MEGF10: variants seen among roughly 807,000 people sequenced by gnomAD.
MEGF10 encodes the protein multiple epidermal growth factor-like domains protein 10.
Under a neutral mutation model 147.5 loss-of-function variants are expected in MEGF10, and 86 were observed. That is an observed-to-expected ratio of 0.58 (90% confidence interval 0.49 to 0.70). The LOEUF is 0.70. Ranked by LOEUF, MEGF10 falls within the 30% of genes least tolerant of loss-of-function variation. The pLI is 0.00. For synonymous variants in MEGF10, 478 were observed against 525.5 expected, an observed-to-expected ratio of 0.91 and a Z score of 1.24; for missense variants, 1,329 against 1,487.3, an observed-to-expected ratio of 0.89 and a Z score of 1.75.
rs1764874863 is a variant in MEGF10 at position 127,418,837 on chromosome 5, ATTG to A, written c.1306-277_1306-275del. 2.0e-5 allele frequency among the ~76,000 whole-genome samples: 3 copies of A among 149,702 alleles called. No homozygotes were observed. In the South Asian group the frequency reaches 6.4e-4, roughly 32 times the overall value. ...GTCTGAGCAATGAAAAAGGGTTTTT[ATTG>A]TTGTTTTGTTTTAGTTCTGCTATGA... On this transcript the variant is annotated intron_variant, in intron 10 of 24. Coordinates refer to ENST00000503335, the MANE Select transcript of MEGF10 (RefSeq NM_001256545.2).
At chr5:127,431,047 C>T (rs957333919) in intron 13 of MEGF10, among the ~76,000 whole-genome samples, 3 of 152,146 alleles carry the variant, frequency 2.0e-5, no homozygotes, top group African/African-American at 2.4e-5. Flanking sequence ...TGCTATGATT[C>T]TCTGGAAATG....
At chr5:127,238,811 C>CCACA in the MEGF10 span, among the ~76,000 whole-genome samples, 1,386 of 152,240 alleles carry the variant, frequency 9.1e-3, 30 homozygotes, top group African/African-American at 0.032. Flanking sequence ...GTGTAAATGT[C>CCACA]TCTTGGTATT....
the MEGF10 span, among the ~76,000 whole-genome samples, chr5:127,243,660 T>C: frequency 1.1e-4 from 17 of 152,278 alleles, no homozygotes; most frequent in Admixed American, 1.3e-4. Context: ...GTAAAAGGGT[T>C]ATAAAAAGGT....
chr5:127,381,661 C>CTTTTTG (rs748295659), intron 5 of MEGF10, among the ~76,000 whole-genome samples: 3 of 152,182 alleles, frequency 2.0e-5, no homozygotes, highest in African/African-American at 4.8e-5. Flanking sequence ...GTTGTTGTTT[C>CTTTTTG]TTTTTGTTTT....
chr5:127,235,003 C>T, the MEGF10 span, among the ~76,000 whole-genome samples: 1 of 152,050 alleles, frequency 6.6e-6, no homozygotes, highest in Non-Finnish European at 1.5e-5. Flanking sequence ...GCCACCATGC[C>T]CAGCTAATTT....
the MEGF10 span, among the ~76,000 whole-genome samples, chr5:127,265,513 T>C: frequency 6.6e-6 from 1 of 152,192 alleles, no homozygotes; most frequent in African/African-American, 2.4e-5. Context: ...CCACAATGGT[T>C]GAACTAGTAT....
the MEGF10 span, among the ~76,000 whole-genome samples, chr5:127,244,525 G>A: frequency 6.6e-6 from 1 of 152,000 alleles, no homozygotes; most frequent in African/African-American, 2.4e-5. Context: ...GCTTACTGAA[G>A]ACTGGGCAGG....
intron 5 of MEGF10, among the ~76,000 whole-genome samples, chr5:127,391,682 G>T (rs999213164): frequency 2.6e-5 from 4 of 151,948 alleles, no homozygotes; most frequent in African/African-American, 9.7e-5. Flanking sequence ...GACTCAGGGT[G>T]CACAGATTTT....
intron 1 of MEGF10, among the ~76,000 whole-genome samples, chr5:127,318,632 C>G (rs932527484): frequency 3.9e-5 from 6 of 151,966 alleles, no homozygotes; most frequent in African/African-American, 1.5e-4. Flanking sequence ...GAGAACTCTC[C>G]AACAATCTTG....
At chr5:127,277,025 T>C in the MEGF10 span, among the ~76,000 whole-genome samples, 1 of 152,086 alleles carries the variant, frequency 6.6e-6, no homozygotes, top group Non-Finnish European at 1.5e-5. Context: ...TCTGGTGTAT[T>C]TGAATAAAAG....
chr5:127,338,624 A>G (rs1026326693), intron 2 of MEGF10, among the ~76,000 whole-genome samples: 1 of 152,150 alleles, frequency 6.6e-6, no homozygotes, highest in Admixed American at 6.6e-5. Flanking sequence ...CTGAAATCAA[A>G]TTATTCCAAG....
chr5:127,361,267 G>A (rs137969090), intron 4 of MEGF10, among the ~76,000 whole-genome samples: 2 of 151,788 alleles, frequency 1.3e-5, no homozygotes, highest in Non-Finnish European at 2.9e-5. Flanking sequence ...ACTTGAATAA[G>A]CTTTAGCAGT....
At chr5:127,378,168 C>G (rs1445366233) in intron 5 of MEGF10, among the ~76,000 whole-genome samples, 1 of 152,180 alleles carries the variant, frequency 6.6e-6, no homozygotes, top group Non-Finnish European at 1.5e-5. Context: ...TAACTGCTCT[C>G]CTTTCTGTGA....
chr5:127,307,894 C>T (rs963615474), intron 1 of MEGF10, among the ~76,000 whole-genome samples: 5 of 152,174 alleles, frequency 3.3e-5, no homozygotes, highest in African/African-American at 1.2e-4. Flanking sequence ...CCCGGTCCTC[C>T]TCCATGGGGT....
chr5:127,382,346 C>T (rs1263468591), intron 5 of MEGF10, among the ~76,000 whole-genome samples: 1 of 152,102 alleles, frequency 6.6e-6, no homozygotes, highest in Admixed American at 6.5e-5. Flanking sequence ...TAAATGGTGT[C>T]ATCTTAAAAT....
chr5:127,302,476 GA>G (rs1759818107), intron 1 of MEGF10, among the ~76,000 whole-genome samples: 1 of 152,148 alleles, frequency 6.6e-6, no homozygotes, highest in Non-Finnish European at 1.5e-5. Context: ...TGGGGGAAGG[GA>G]AAAATTAGGA....
In MEGF10 at chr5:127,299,260, G is replaced by A. The variant is rs531085526; in HGVS notation, c.-19+8204G>A. Among the ~76,000 whole-genome samples the A allele has an allele frequency of 2.9e-4, 44 of 152,296 alleles. No individual in the cohort carries two copies. The South Asian group carries it at 8.9e-3, about 31-fold the overall frequency. On this transcript the variant is annotated intron_variant, in intron 1 of 24. Transcript: ENST00000503335. ...GTCTATGACTTCAGAGAACAATTCTGTGTTCCTGGGAATGGTCACTGTGTA... is the reference window on the plus strand; with the variant it reads ...GTCTATGACTTCAGAGAACAATTCTATGTTCCTGGGAATGGTCACTGTGTA...
At chr5:127,400,915 A>G (rs1012282801) in intron 7 of MEGF10, among the ~76,000 whole-genome samples, 2 of 152,150 alleles carry the variant, frequency 1.3e-5, no homozygotes, top group South Asian at 4.1e-4. Context: ...CTTCTTTACA[A>G]CATGTTATTT....
At chr5:127,410,697 C>A in intron 9 of MEGF10, 96 bp downstream of exon 9, 1 of 1,134,390 alleles carries the variant, frequency 8.8e-7, no homozygotes, top group Non-Finnish European at 1.3e-6. Flanking sequence ...TGATTCTCAC[C>A]CCAAGCCCCC....
Sources: allele counts gnomAD v4.1 joint callset (sites outside exome capture counted in the v4.1 genomes callset), GRCh38; gene constraint gnomAD v4.1.1; transcripts MANE v1.5; gene names NCBI Gene and HGNC (gene_info 2026-07-23, HGNC 2026-07-21).